Variants in FRMD4A observed in about 807,000 individuals in gnomAD.
The protein encoded by FRMD4A is FERM domain containing 4A.
FRMD4A carries 29 observed loss-of-function variants against 129.1 expected under a neutral mutation model. The ratio of observed to expected loss-of-function variants is 0.22; its 90% CI spans 0.17 to 0.31. The LOEUF (loss-of-function observed/expected upper bound fraction) is 0.31, where lower values mean the gene tolerates loss of function less well. Ranked by LOEUF, FRMD4A falls within the 10% of genes least tolerant of loss-of-function variation. The probability of loss-of-function intolerance (pLI) is 1.00; values close to 1 mark genes in which losing one functional copy is unlikely to be tolerated. For synonymous variants in FRMD4A, 634 were observed against 571.6 expected, an observed-to-expected ratio of 1.11 and a Z score of -1.56; for missense variants, 1,272 against 1,375.8, an observed-to-expected ratio of 0.92 and a Z score of 1.19.
intron 2 of FRMD4A, among the ~76,000 whole-genome samples, chr10:14,026,409 AT>A (rs755842842): frequency 8.5e-5 from 13 of 152,218 alleles, no homozygotes; most frequent in Admixed American, 2.6e-4. Context: ...GTCTTGTCAG[AT>A]GAGTTTAGCT....
chr10:13,691,000 G>T (rs2085635200), intron 15 of FRMD4A, among the ~76,000 whole-genome samples: 1 of 152,118 alleles, frequency 6.6e-6, no homozygotes, highest in Non-Finnish European at 1.5e-5. Context: ...GTGTGTGTGT[G>T]TGAGAGAGAC....
chr10:13,779,753 A>C (rs891531937), intron 6 of FRMD4A, among the ~76,000 whole-genome samples: 3 of 150,898 alleles, frequency 2.0e-5, no homozygotes, highest in Non-Finnish European at 2.9e-5. Flanking sequence ...CCTCCAAATT[A>C]ATTACCATCA....
chr10:13,762,589 C>T (rs772722067), intron 7 of FRMD4A, 35 bp downstream of exon 7: 16 of 1,200,798 alleles, frequency 1.3e-5, no homozygotes, highest in Admixed American at 3.4e-5. Flanking sequence ...TGTGTATGGC[C>T]GTGGGACATA....
chr10:13,740,541 G>A lies in FRMD4A; in HGVS notation c.585C>T (p.Asn195=), dbSNP rs780552624. The change falls in exon 10 of 25, where the codon AAC becomes AAT. Residue 195 remains asparagine (N), a synonymous_variant. Coordinates refer to ENST00000357447, the MANE Select transcript of FRMD4A (RefSeq NM_018027.5). The part of the protein sequence containing the change: ...DRVIEHYKKL[N]GQTRGQAIVN... ...CGATTGCTTGACCTCTTGTCTGACCGTTCAGTTTCTTGTAGTGCTCAATGA... is the reference window on the plus strand; with the variant it reads ...CGATTGCTTGACCTCTTGTCTGACCATTCAGTTTCTTGTAGTGCTCAATGA... 1.6e-5 allele frequency: 25 copies of A among 1,593,250 alleles called. No individual in the cohort carries two copies. The highest frequency in any genetic ancestry group is 3.4e-5 in the Admixed American group (2 of 58,660).
At chr10:13,838,071 G>A (rs555402378) in intron 3 of FRMD4A, among the ~76,000 whole-genome samples, 3 of 152,140 alleles carry the variant, frequency 2.0e-5, no homozygotes, top group Non-Finnish European at 2.9e-5. Context: ...AAAGATTGCT[G>A]AATTACAACG....
chr10:14,305,679 A>G (rs1187696168), intron 2 of FRMD4A, among the ~76,000 whole-genome samples: 2 of 152,214 alleles, frequency 1.3e-5, no homozygotes, highest in Non-Finnish European at 2.9e-5. Flanking sequence ...ATGCACACAT[A>G]TGTTCATTGC....
intron 2 of FRMD4A, among the ~76,000 whole-genome samples, chr10:13,912,520 A>ATTTTT (rs57865883): frequency 7.9e-6 from 1 of 126,212 alleles, no homozygotes; most frequent in African/African-American, 3.0e-5. Flanking sequence ...ACATAATAGA[A>ATTTTT]TTTTTTTTTT....
chr10:13,714,929 T>C (rs1345289262), intron 12 of FRMD4A, among the ~76,000 whole-genome samples: 1 of 151,916 alleles, frequency 6.6e-6, no homozygotes, highest in Non-Finnish European at 1.5e-5. Flanking sequence ...GTCCCAGCTA[T>C]TCGGGAGGCT....
Position 13,657,157 on chromosome 10 carries a change from C to G in FRMD4A, c.2432G>C (p.Gly811Ala). ...MPNLAARGGA[G>A]GAGGAGGGVY... ...ACCGCCCCCCGCGCCCCCCGCGCCC[C>G]CCGCACCCCCGCGCGCCGCCAGGTT... The change falls in exon 22 of 25, where the codon GGG becomes GCG. Residue 811 changes from glycine to alanine, a missense_variant. Around this residue, in one of 2 missense-constraint regions of FRMD4A, gnomAD observed 972 missense variants for 892.3 expected, o/e 1.09. Coordinates refer to ENST00000357447, the MANE Select transcript of FRMD4A (RefSeq NM_018027.5). 1 of 1,483,358 alleles carries G rather than the reference C, an allele frequency of 6.7e-7. No individual in the cohort carries two copies. Among genetic ancestry groups the G allele is most frequent in the Non-Finnish European group, 8.9e-7 (1 of 1,121,578 alleles). The allele number at this position is 1,483,358 out of a possible 1,614,324, so 91.9% of individuals were successfully genotyped here. A position where few individuals can be genotyped will look rare whatever the true frequency, so the allele number is the denominator to read the frequency against.
intron 2 of FRMD4A, among the ~76,000 whole-genome samples, chr10:14,175,522 C>CTTTT (rs374088064): frequency 4.1e-5 from 5 of 122,962 alleles, no homozygotes; most frequent in Non-Finnish European, 3.3e-5. Context: ...AGTTTGCTTC[C>CTTTT]TTTTTTTTTT....
chr10:14,010,343 T>G (rs967891579), intron 2 of FRMD4A, among the ~76,000 whole-genome samples: 2 of 152,206 alleles, frequency 1.3e-5, no homozygotes, highest in African/African-American at 4.8e-5. Flanking sequence ...CAAAAACACA[T>G]GCATTTGATT....
At chr10:14,088,897 T>TCA (rs1460977428) in intron 2 of FRMD4A, among the ~76,000 whole-genome samples, 1 of 151,516 alleles carries the variant, frequency 6.6e-6, no homozygotes, top group East Asian at 1.9e-4. Context: ...CGGTCGGGGC[T>TCA]CACACAGCTA....
intron 15 of FRMD4A, among the ~76,000 whole-genome samples, chr10:13,687,441 T>C (rs1050905776): frequency 2.0e-5 from 3 of 151,846 alleles, no homozygotes; most frequent in African/African-American, 7.3e-5. Context: ...CACCCAGTTA[T>C]TGTTGCTTTG....
At position 14,278,644 on chromosome 10, in the gene FRMD4A, G is replaced by C. The variant is rs79873758; in HGVS notation, c.45+51414C>G. Among the ~76,000 whole-genome samples the C allele has an allele frequency of 1.9e-3, 287 of 152,214 alleles. 3 individuals carry two copies. The highest frequency in any genetic ancestry group is 6.7e-3 in the African/African-American group (278 of 41,536). ...AGCGGCACGTGTTAGGTGGTTCTAC[G>C]GGTAAGATGGGGAAAAGAATCTCGC... is the stretch of plus-strand genomic sequence containing the variant. On this transcript the variant is annotated intron_variant, in intron 2 of 24. Transcript: ENST00000357447.
chr10:14,116,073 C>A (rs1184213003), intron 2 of FRMD4A, among the ~76,000 whole-genome samples: 1 of 152,208 alleles, frequency 6.6e-6, no homozygotes, highest in African/African-American at 2.4e-5. Context: ...ACTAGGAAAA[C>A]AGGACCAATA....
chr10:14,234,334 C>T (rs905352023), intron 2 of FRMD4A, among the ~76,000 whole-genome samples: 3 of 152,204 alleles, frequency 2.0e-5, no homozygotes, highest in Admixed American at 2.0e-4. Flanking sequence ...CCACCCATCA[C>T]ACTGACCAAA....
chr10:13,964,865 T>C lies in FRMD4A; in HGVS notation c.46-105953A>G, dbSNP rs551528640. On this transcript the variant is annotated intron_variant, in intron 2 of 24. Transcript: ENST00000357447. ...CACAGCCAGCTGATTTTTGTATTTT[T>C]AGTAGAGATGGGGTTTCACCATGTT... 4.6e-5 allele frequency among the ~76,000 whole-genome samples: 7 copies of C among 152,148 alleles called. No individual in the cohort carries two copies. In the South Asian group the frequency reaches 1.5e-3, roughly 32 times the overall value.
At chr10:14,085,815 C>T (rs1836236700) in intron 2 of FRMD4A, among the ~76,000 whole-genome samples, 1 of 152,194 alleles carries the variant, frequency 6.6e-6, no homozygotes, top group South Asian at 2.1e-4. Flanking sequence ...ATCTGCATTA[C>T]TGTTCATTTC....
At chr10:13,781,895 C>T (rs890855270) in intron 6 of FRMD4A, among the ~76,000 whole-genome samples, 8 of 152,140 alleles carry the variant, frequency 5.3e-5, no homozygotes, top group Admixed American at 6.6e-5. Flanking sequence ...GGGTGAATGA[C>T]GGTGGGGATG....
Sources: allele counts gnomAD v4.1 joint callset (sites outside exome capture counted in the v4.1 genomes callset), GRCh38; gene constraint gnomAD v4.1.1; regional missense constraint gnomAD v4.1.1; transcripts MANE v1.5; gene names NCBI Gene and HGNC (gene_info 2026-07-23, HGNC 2026-07-21).